MITD1: variants seen among roughly 807,000 people sequenced by gnomAD.
MITD1 encodes the protein MIT domain-containing protein 1.
MITD1 carries 24 observed loss-of-function variants against 34.9 expected under a neutral mutation model. That is an observed-to-expected ratio of 0.69 (90% confidence interval 0.50 to 0.97). The LOEUF is 0.97. Ranked by LOEUF, MITD1 falls within the 50% of genes least tolerant of loss-of-function variation. The pLI is 0.00. For missense variants in MITD1, 266 were observed against 294.6 expected, an observed-to-expected ratio of 0.90 and a Z score of 0.71; for synonymous variants, 102 against 101.4, an observed-to-expected ratio of 1.01 and a Z score of -0.04.
chr2:99,170,839 ATC>A (rs1016932306), intron 4 of MITD1, 187 bp from the exon 5 acceptor site: 42 of 381,468 alleles, frequency 1.1e-4, no homozygotes, highest in African/African-American at 7.5e-4. Context: ...TATCAAAATC[ATC>A]TTTTTTTCTA....
rs754469399 is a variant in MITD1 at position 99,180,995 on chromosome 2, C to G, written c.-14G>C. 1.2e-6 allele frequency: 2 copies of G among 1,610,904 alleles called. No individual in the cohort carries two copies. The highest frequency in any genetic ancestry group is 1.7e-6 in the Non-Finnish European group (2 of 1,178,456). On this transcript the variant is annotated 5_prime_UTR_variant, in exon 1 of 7. Coordinates refer to ENST00000289359, the MANE Select transcript of MITD1 (RefSeq NM_138798.3). ...GGACTTCGCCATAATTCTGGAAGTT[C>G]TCCTCCGCCTCAACCCAGGATGAAG...
At chr2:99,165,019 TACACACACACACACACACAC>T (rs56958044), downstream of MITD1, among the ~76,000 whole-genome samples, 8 of 136,670 alleles carry the variant, frequency 5.9e-5, no homozygotes, top group African/African-American at 8.5e-5. Context: ...CAAAATGGCA[TACACACACACACACACACAC>T]ACACACACAC....
downstream of MITD1, among the ~76,000 whole-genome samples, chr2:99,167,946 A>C (rs1467938648): frequency 6.6e-6 from 1 of 152,166 alleles, no homozygotes; most frequent in African/African-American, 2.4e-5. Flanking sequence ...CCACAAAAGG[A>C]AAACAGTGTC....
intron 7 of MITD1, among the ~76,000 whole-genome samples, chr2:99,163,883 T>G (rs2105204993): frequency 6.6e-6 from 1 of 152,310 alleles, no homozygotes; most frequent in South Asian, 2.1e-4. Context: ...TTCTAAGCTC[T>G]TAACCCTTCC....
At chr2:99,161,653 C>A, downstream of MITD1, 1 of 203,614 alleles carries the variant, frequency 4.9e-6, no homozygotes, top group Non-Finnish European at 9.8e-6. Flanking sequence ...GCCTGGGCAA[C>A]ATGGTGAAAT....
downstream of MITD1, among the ~76,000 whole-genome samples, chr2:99,168,561 C>T (rs2093837381): frequency 6.6e-6 from 1 of 152,152 alleles, no homozygotes; most frequent in African/African-American, 2.4e-5. Context: ...AAAAGCTTAC[C>T]CAGAACAGTT....
chr2:99,179,566 A>AT (rs911571121), intron 1 of MITD1, among the ~76,000 whole-genome samples: 6 of 151,910 alleles, frequency 3.9e-5, no homozygotes, highest in African/African-American at 1.5e-4. Context: ...GTTTACAGTT[A>AT]TTTTTTCTTT....
At chr2:99,167,100 C>G (rs544005412), downstream of MITD1, among the ~76,000 whole-genome samples, 2 of 151,970 alleles carry the variant, frequency 1.3e-5, no homozygotes, top group Admixed American at 1.3e-4. Flanking sequence ...TTCTCTCTTT[C>G]AAATGTGTTT....
At chr2:99,165,795 A>G (rs1419599051), downstream of MITD1, among the ~76,000 whole-genome samples, 2 of 152,170 alleles carry the variant, frequency 1.3e-5, no homozygotes, top group Non-Finnish European at 2.9e-5. Flanking sequence ...TGCCAATCAG[A>G]TGCAACTGCT....
chr2:99,162,398 G>T lies in MITD1; in HGVS notation c.*4-180C>A, dbSNP rs137857528. The T allele has an allele frequency of 5.4e-5, 87 of 1,613,850 alleles. No individual in the cohort carries two copies. In the African/African-American group the frequency reaches 9.3e-4, roughly 17 times the overall value. On this transcript the variant is annotated intron_variant, in intron 7 of 7. Transcript: ENST00000422537. ...CTGTCCAACCCCAGCTGGATGTGCA[G>T]GCTACCAAAAGATTTGACCTTTTAC...
intron 1 of MITD1, among the ~76,000 whole-genome samples, chr2:99,179,404 C>T (rs918809085): frequency 1.3e-5 from 2 of 152,164 alleles, no homozygotes; most frequent in Non-Finnish European, 2.9e-5. Flanking sequence ...CCATCAACTC[C>T]TACTTGATAG....
chr2:99,165,565 G>A (rs932780175), downstream of MITD1, among the ~76,000 whole-genome samples: 5 of 152,150 alleles, frequency 3.3e-5, no homozygotes, highest in African/African-American at 1.2e-4. Flanking sequence ...CATATAAATA[G>A]TATTTTAAGT....
intron 1 of MITD1, among the ~76,000 whole-genome samples, chr2:99,180,536 A>C (rs2093912057): frequency 6.6e-6 from 1 of 152,234 alleles, no homozygotes; most frequent in Non-Finnish European, 1.5e-5. Flanking sequence ...TGTCTTTTAA[A>C]GTTCGTACAA....
rs961316114 is a variant in MITD1, at chr2:99,180,391, A to T, written c.151+440T>A. Among the ~76,000 whole-genome samples, 3 of 152,210 alleles carry T rather than the reference A, an allele frequency of 2.0e-5. No individual in the cohort carries two copies. The South Asian group carries it at 6.2e-4, about 32-fold the overall frequency. On this transcript the variant is annotated intron_variant, in intron 1 of 6. Transcript: ENST00000289359. ...AAGGAAAATTAACTAAAGACATCAT[A>T]GCATCTCTTTCTAAAACACTTTGGT...
At chr2:99,168,590 T>C (rs1202843330), downstream of MITD1, among the ~76,000 whole-genome samples, 4 of 152,212 alleles carry the variant, frequency 2.6e-5, no homozygotes, top group Non-Finnish European at 5.9e-5. Context: ...GCTGCAAGGC[T>C]TTACAAATGT....
chr2:99,171,595 C>T lies in MITD1; in HGVS notation c.305G>A (p.Ser102Asn). The T allele has an allele frequency of 6.2e-7, 1 of 1,613,442 alleles. No homozygotes were observed. The highest frequency in any genetic ancestry group is 8.5e-7 in the Non-Finnish European group (1 of 1,179,586). ...IKIEENATGF[S>N]YESLFREYLN... The stretch of plus-strand genomic sequence containing the variant: ...GTATTCGCGAAAAAGTGACTCATAA[C>T]TGAAACCTGTTGCATTCTCTTCTAT... The change falls in exon 3 of 7, where the codon AGT (serine) becomes AAT (asparagine). Residue 102 changes from serine to asparagine, a missense_variant. Transcript: ENST00000289359.
rs142559812 is a variant in MITD1 at position 99,174,128 on chromosome 2, C to T, written c.152-112G>A. The T allele has an allele frequency of 2.2e-4, 135 of 613,532 alleles. No individual in the cohort carries two copies. The African/African-American group carries it at 2.4e-3, about 11-fold the overall frequency. The allele number at this position is 613,532 out of a possible 1,614,324, so 38.0% of individuals were successfully genotyped here. ...ACAAATTTCCTATCCTCTAGTATGG[C>T]TTGCCTCAGTCCTCAAACACACACA... On this transcript the variant is annotated intron_variant, in intron 1 of 6. Coordinates refer to ENST00000289359, the MANE Select transcript of MITD1 (RefSeq NM_138798.3).
chr2:99,161,934 T>C, downstream of MITD1: 1 of 1,541,386 alleles, frequency 6.5e-7, no homozygotes, highest in Non-Finnish European at 8.8e-7. Flanking sequence ...TGAATTAATT[T>C]GTTTGTCTTC....
intron 7 of MITD1, chr2:99,163,194 A>C (rs552288055): frequency 1.7e-5 from 11 of 649,128 alleles, no homozygotes; most frequent in Admixed American, 3.7e-5. Context: ...AAAAAAAACA[A>C]AACACAACAA....
Sources: allele counts gnomAD v4.1 joint callset (sites outside exome capture counted in the v4.1 genomes callset), GRCh38; gene constraint gnomAD v4.1.1; transcripts MANE v1.5; gene names NCBI Gene and HGNC (gene_info 2026-07-23, HGNC 2026-07-21).